Variants in HSD17B4 observed in about 807,000 individuals in gnomAD.
HSD17B4 encodes peroxisomal multifunctional enzyme type 2.
Under a neutral mutation model 101.0 loss-of-function variants are expected in HSD17B4, and 70 were observed. The ratio of observed to expected loss-of-function variants is 0.69; its 90% CI spans 0.57 to 0.85. The LOEUF is 0.85. HSD17B4 is among the 40% of genes least tolerant of loss of function. The pLI is 0.00. For synonymous variants in HSD17B4, 347 were observed against 297.1 expected, an observed-to-expected ratio of 1.17 and a Z score of -1.73; for missense variants, 984 against 892.4, an observed-to-expected ratio of 1.10 and a Z score of -1.31.
intron 11 of HSD17B4, 135 bp from the exon 12 acceptor site, chr5:119,496,408 G>T: frequency 1.5e-6 from 1 of 667,422 alleles, no homozygotes; most frequent in South Asian, 1.8e-5. Context: ...CATACATTCA[G>T]TTCATGAGTG....
intron 2 of HSD17B4, among the ~76,000 whole-genome samples, chr5:119,462,248 ATTTTTTTTTTTTTTTTTTTT>A (rs10524491): frequency 0.25 from 7,769 of 31,416 alleles, 1,029 homozygotes; most frequent in East Asian, 0.62. Context: ...AACAAATGTG[ATTTTTTTTTTTTTTTTTTTT>A]TTTTTTTTTT....
intron 17 of HSD17B4, among the ~76,000 whole-genome samples, chr5:119,522,907 T>C (rs749894568): frequency 1.3e-5 from 2 of 152,186 alleles, no homozygotes; most frequent in Non-Finnish European, 2.9e-5. Context: ...GCCCTTAAGA[T>C]GGATTTATCT....
At chr5:119,534,687 C>T (rs1250962488) in intron 22 of HSD17B4, among the ~76,000 whole-genome samples, 1 of 151,986 alleles carries the variant, frequency 6.6e-6, no homozygotes, top group Non-Finnish European at 1.5e-5. Flanking sequence ...AAATGAGTGT[C>T]TCATGCATTT....
intron 17 of HSD17B4, among the ~76,000 whole-genome samples, chr5:119,517,316 C>G (rs1450546199): frequency 6.6e-6 from 1 of 152,226 alleles, no homozygotes; most frequent in Non-Finnish European, 1.5e-5. Flanking sequence ...TGCTCGATTT[C>G]TCGCTGGACC....
chr5:119,454,256 T>C (rs1317943793), intron 1 of HSD17B4, among the ~76,000 whole-genome samples: 8 of 152,208 alleles, frequency 5.3e-5, no homozygotes, highest in African/African-American at 1.9e-4. Flanking sequence ...ACTTAGCACC[T>C]GCTGTTCATA....
chr5:119,533,192 A>G (rs1393617856), intron 22 of HSD17B4, among the ~76,000 whole-genome samples: 1 of 152,126 alleles, frequency 6.6e-6, no homozygotes, highest in Non-Finnish European at 1.5e-5. Context: ...CTCTGCTTTC[A>G]GAGAATGGGA....
chr5:119,506,112 A>G (rs1233907214), intron 14 of HSD17B4, among the ~76,000 whole-genome samples: 1 of 152,130 alleles, frequency 6.6e-6, no homozygotes, highest in Non-Finnish European at 1.5e-5. Flanking sequence ...GGTTTGCTGC[A>G]CACATCAACC....
chr5:119,502,787 A>C (rs1027636080), intron 14 of HSD17B4, among the ~76,000 whole-genome samples: 15 of 152,062 alleles, frequency 9.9e-5, no homozygotes, highest in Non-Finnish European at 2.2e-4. Context: ...AAACCTTTTT[A>C]TTTTTCTAAA....
At position 119,529,891 on chromosome 5, in the gene HSD17B4, A is replaced by T; in HGVS notation, c.1768-3A>T. 1 of 1,565,296 alleles carries T rather than the reference A, an allele frequency of 6.4e-7. No individual in the cohort carries two copies. The highest frequency in any genetic ancestry group is 8.8e-7 in the Non-Finnish European group (1 of 1,136,772). On this transcript the variant is annotated splice_polypyrimidine_tract_variant and splice_region_variant and intron_variant, in intron 20 of 23. Coordinates refer to ENST00000510025, the MANE Select transcript of HSD17B4 (RefSeq NM_000414.4). ...AATCTTTTTTTTTTCTTCTCCTCCT[A>T]AGGTCCAAGAAACTGGAGACATTGT...
rs1244223987 is a variant in HSD17B4 at position 119,497,211 on chromosome 5, G to GC, written c.972+565_972+566insC. Among the ~76,000 whole-genome samples the GC allele has an allele frequency of 3.4e-5, 5 of 149,090 alleles. No individual in the cohort carries two copies. In the East Asian group the frequency reaches 5.8e-4, roughly 17 times the overall value. ...ATATAATTTTTGGTAGGCTCCATTG[G>GC]GGGGTGTGATGAATCAGGTTAGCTG... is the stretch of plus-strand genomic sequence containing the variant. On this transcript the variant is annotated intron_variant, in intron 12 of 23. Transcript: ENST00000510025.
At chr5:119,470,233 G>GTGC (rs966408222) in intron 2 of HSD17B4, among the ~76,000 whole-genome samples, 16 of 151,910 alleles carry the variant, frequency 1.1e-4, no homozygotes, top group Non-Finnish European at 2.2e-4. Flanking sequence ...ATGGACTCAG[G>GTGC]TGCTGAGGTC....
chr5:119,512,843 G>A (rs1752297427), intron 16 of HSD17B4, among the ~76,000 whole-genome samples: 1 of 152,206 alleles, frequency 6.6e-6, no homozygotes, highest in African/African-American at 2.4e-5. Flanking sequence ...ACAAGGGAGA[G>A]TGACTGCTGA....
chr5:119,485,835 C>G (rs1304018734), intron 8 of HSD17B4, among the ~76,000 whole-genome samples: 1 of 152,168 alleles, frequency 6.6e-6, no homozygotes, highest in Non-Finnish European at 1.5e-5. Context: ...ATTTACTGCT[C>G]TGCAGTAAAC....
intron 9 of HSD17B4, 136 bp from the exon 10 acceptor site, chr5:119,491,964 G>C: frequency 1.3e-6 from 1 of 773,902 alleles, no homozygotes; most frequent in East Asian, 2.5e-5. Flanking sequence ...GACTCTTACA[G>C]AGCTGTATTA....
chr5:119,501,991 C>A lies in HSD17B4; in HGVS notation c.1210-50C>A, dbSNP rs199502857. 1.2e-5 allele frequency: 13 copies of A among 1,121,720 alleles called. No homozygotes were observed. The East Asian group carries it at 2.8e-4, about 24-fold the overall frequency. The allele number at this position is 1,121,720 out of a possible 1,614,324, so 69.5% of individuals were successfully genotyped here. ...CGAGTAACAGTATCCATAGGCAGAA[C>A]CTGTGGAGCAAGAAAGTTTGCTAAT... On this transcript the variant is annotated intron_variant, in intron 13 of 23. Coordinates refer to ENST00000510025, the MANE Select transcript of HSD17B4 (RefSeq NM_000414.4).
Position 119,529,952 on chromosome 5 carries a change from C to T in HSD17B4, c.1826C>T (p.Ser609Phe), listed in dbSNP as rs772944749. ...SNAYVDLAPT[S>F]GTSAKTPSEG... ...GCATATGTGGATCTTGCACCAACAT[C>T]TGGTACTTCAGCTAAGACACCCTCT... Residue 609 changes from serine to phenylalanine, a missense_variant, in exon 21 of 24, where the codon TCT (serine) becomes TTT (phenylalanine). Transcript: ENST00000510025. 2.5e-6 allele frequency: 4 copies of T among 1,609,106 alleles called. No individual in the cohort carries two copies. In the South Asian group the frequency reaches 4.4e-5, roughly 18 times the overall value.
At chr5:119,527,353 G>A in intron 20 of HSD17B4, 134 bp downstream of exon 20, 1 of 632,352 alleles carries the variant, frequency 1.6e-6, no homozygotes, top group Non-Finnish European at 2.9e-6. Context: ...ATAAGATACA[G>A]CTTGTCTGGT....
rs1325676674 is a variant in HSD17B4, at chr5:119,474,445, G to C, written c.265G>C (p.Ala89Pro). 12 of 1,603,654 alleles carry C rather than the reference G, an allele frequency of 7.5e-6. No individual in the cohort carries two copies. Among genetic ancestry groups the C allele is most frequent in the African/African-American group, 1.3e-5 (1 of 74,702 alleles). Reference sequence around the variant, plus strand: ...GAAGGTTGTGAAGACAGCCCTGGATGCTTTTGGAAGAATAGGTGATGTTTC... The same window carrying C: ...GAAGGTTGTGAAGACAGCCCTGGATCCTTTTGGAAGAATAGGTGATGTTTC... ...GEKVVKTALD[A>P]FGRIDVVVNN... The change falls in exon 4 of 24, where the codon GCT (alanine) becomes CCT (proline). Residue 89 changes from alanine (A) to proline (P), a missense_variant. By Grantham distance (27) the Ala-to-Pro change is conservative. Transcript: ENST00000510025.
At chr5:119,519,853 A>T (rs934713093) in intron 17 of HSD17B4, among the ~76,000 whole-genome samples, 1 of 152,220 alleles carries the variant, frequency 6.6e-6, no homozygotes, top group Non-Finnish European at 1.5e-5. Flanking sequence ...CTACTAAACG[A>T]TCACAGTATG....
Sources: allele counts gnomAD v4.1 joint callset (sites outside exome capture counted in the v4.1 genomes callset), GRCh38; gene constraint gnomAD v4.1.1; transcripts MANE v1.5; gene names NCBI Gene and HGNC (gene_info 2026-07-23, HGNC 2026-07-21).